GSTT4: variants seen among roughly 807,000 people sequenced by gnomAD.
GSTT4 encodes the protein glutathione S-transferase theta-4.
downstream of GSTT4, among the ~76,000 whole-genome samples, chr22:23,993,769 G>A (rs937565023): frequency 1.3e-5 from 2 of 152,100 alleles, no homozygotes; most frequent in Non-Finnish European, 2.9e-5. Context: ...AAGCCAATCA[G>A]CTCATTGGTT....
At chr22:23,998,791 T>G (rs535401342) in intron 4 of GSTT4, 52 bp from the exon 5 acceptor site, 2 of 154,994 alleles carry the variant, frequency 1.3e-5, no homozygotes, top group South Asian at 4.1e-4. Context: ...CAGCCCCACC[T>G]GGGTCCTCTC....
downstream of GSTT4, among the ~76,000 whole-genome samples, chr22:23,993,626 C>G (rs1601568593): frequency 6.6e-6 from 1 of 152,310 alleles, no homozygotes; most frequent in Middle Eastern, 3.4e-3. Context: ...GTCCCAATGT[C>G]TCCTTCTCTC....
At chr22:24,004,061 T>C (rs922340601) in intron 1 of GSTT4, 1 of 153,756 alleles carries the variant, frequency 6.5e-6, no homozygotes, top group East Asian at 1.9e-4. Flanking sequence ...CACCCTAGGT[T>C]TGGTGACTCC....
In GSTT4 at chr22:24,000,116, T is replaced by C. The variant is rs2034194009; in HGVS notation, c.487A>G (p.Ile163Val). 6.4e-6 allele frequency: 1 copy of C among 156,476 alleles called. No individual in the cohort carries two copies. Among genetic ancestry groups the C allele is most frequent in the Non-Finnish European group, 1.4e-5 (1 of 69,516 alleles). The allele number at this position is 156,476 out of a possible 1,614,324, so 9.7% of individuals were successfully genotyped here. A position where few individuals can be genotyped will look rare whatever the true frequency, so the allele number is the denominator to read the frequency against. ...ACGGCCACCAGGTCAGCCAGTGAGA[T>C]TTGGTTCCCGGTGATGAACATCTTA... ...QDKMFITGNQ[I>V]SLADLVAVVE... The change falls in exon 4 of 5, where the codon ATC becomes GTC. Residue 163 changes from isoleucine (I) to valine (V), a missense_variant. Physicochemically the swap from Ile to Val is conservative, Grantham distance 29. Coordinates refer to ENST00000621179, the MANE Select transcript of GSTT4 (RefSeq NM_001358664.2).
At chr22:24,003,947 G>GAT in intron 1 of GSTT4, 100 bp from the exon 2 acceptor site, 1 of 153,786 alleles carries the variant, frequency 6.5e-6, no homozygotes. Context: ...TTCTCAAGAA[G>GAT]AGGGAACTGA....
chr22:23,989,880 C>G, the GSTT4 span, among the ~76,000 whole-genome samples: 75,221 of 146,808 alleles, frequency 0.51, 16,811 homozygotes, highest in South Asian at 0.61. Flanking sequence ...GGCCTCTTTG[C>G]CCTTCTACTG....
At chr22:23,998,027 C>T (rs1233550464), downstream of GSTT4, among the ~76,000 whole-genome samples, 1 of 152,236 alleles carries the variant, frequency 6.6e-6, no homozygotes, top group African/African-American at 2.4e-5. Flanking sequence ...GTCCAGAGAA[C>T]ATACTTTGTG....
At chr22:24,002,112 A>T (rs1479748427) in intron 2 of GSTT4, among the ~76,000 whole-genome samples, 2 of 152,394 alleles carry the variant, frequency 1.3e-5, no homozygotes, top group East Asian at 3.9e-4. Flanking sequence ...GGGAGTGATG[A>T]GGCAGCCAGA....
At chr22:24,004,607 T>G (rs2034310369) in intron 1 of GSTT4, 1 of 153,034 alleles carries the variant, frequency 6.5e-6, no homozygotes, top group Non-Finnish European at 1.5e-5. Context: ...CTGCCCCCTT[T>G]GCCAACCTGG....
chr22:23,993,058 C>G, the GSTT4 span, among the ~76,000 whole-genome samples: 1 of 139,132 alleles, frequency 7.2e-6, no homozygotes, highest in Non-Finnish European at 1.6e-5. Context: ...TAGGTGTGAT[C>G]CACCACCCCT....
chr22:23,992,888 C>T, the GSTT4 span, among the ~76,000 whole-genome samples: 2 of 151,608 alleles, frequency 1.3e-5, no homozygotes, highest in Non-Finnish European at 2.9e-5. Flanking sequence ...AATCCTTCTG[C>T]CTTACCCTCC....
At chr22:23,999,598 C>A (rs1294871518) in intron 4 of GSTT4, among the ~76,000 whole-genome samples, 1 of 117,096 alleles carries the variant, frequency 8.5e-6, no homozygotes, top group Non-Finnish European at 1.7e-5. Flanking sequence ...CACATAAATG[C>A]CCCACACTCA....
intron 2 of GSTT4, among the ~76,000 whole-genome samples, chr22:24,003,544 G>A (rs907392311): frequency 6.3e-4 from 96 of 152,358 alleles, no homozygotes; most frequent in African/African-American, 2.1e-3. Flanking sequence ...GTGTCTGGGA[G>A]GCAGGGGAAT....
At chr22:23,992,781 T>TC in the GSTT4 span, among the ~76,000 whole-genome samples, 3 of 1,228 alleles carry the variant, frequency 2.4e-3, no homozygotes, top group Non-Finnish European at 7.1e-3. Flanking sequence ...TCTCTACTAT[T>TC]CTTTTTTTTT....
At chr22:23,997,243 G>A (rs547469567), downstream of GSTT4, among the ~76,000 whole-genome samples, 1 of 151,526 alleles carries the variant, frequency 6.6e-6, no homozygotes, top group African/African-American at 2.4e-5. Flanking sequence ...TTTGAGATAA[G>A]GTTCTTCTAT....
the GSTT4 span, among the ~76,000 whole-genome samples, chr22:23,992,482 A>G: frequency 0.041 from 5,031 of 123,424 alleles, 8 homozygotes; most frequent in Middle Eastern, 0.088. Flanking sequence ...CCCCAGCCAC[A>G]CTCAAGGGGA....
chr22:24,002,229 C>G (rs989994124), intron 2 of GSTT4, among the ~76,000 whole-genome samples: 1 of 152,234 alleles, frequency 6.6e-6, no homozygotes, highest in African/African-American at 2.4e-5. Context: ...GGATCCATCT[C>G]TCTGGTGCTG....
chr22:23,997,093 A>G (rs2034123704), downstream of GSTT4, among the ~76,000 whole-genome samples: 1 of 151,998 alleles, frequency 6.6e-6, no homozygotes, highest in African/African-American at 2.4e-5. Flanking sequence ...TTCCCATTTC[A>G]TCTAGGTTGT....
intron 2 of GSTT4, among the ~76,000 whole-genome samples, chr22:24,003,402 G>T (rs976000119): frequency 6.6e-6 from 1 of 152,238 alleles, no homozygotes; most frequent in African/African-American, 2.4e-5. Context: ...TAGAGATGGG[G>T]TTTTGCCATG....
Sources: gnomAD v4.1 joint callset for allele counts (sites outside exome capture counted in the v4.1 genomes callset) on GRCh38, gnomAD v4.1.1 for gene constraint, MANE v1.5 for transcripts, NCBI Gene and HGNC (gene_info 2026-07-23, HGNC 2026-07-21) for gene names.